Variants in STK3 observed in about 807,000 individuals in gnomAD.
The protein encoded by STK3 is serine/threonine kinase 3, also known as serine/threonine-protein kinase 3.
In STK3, 41 loss-of-function variants were observed where a neutral mutation model predicts 58.0. The observed-to-expected ratio is 0.71, with a 90% CI of 0.55 to 0.92. The LOEUF (loss-of-function observed/expected upper bound fraction) is 0.92, where lower values mean the gene tolerates loss of function less well. Among genes scored for constraint, STK3 ranks in the 40% least tolerant of loss-of-function variants. The pLI is 0.00. For missense variants in STK3, 479 were observed against 602.7 expected, an observed-to-expected ratio of 0.79 and a Z score of 2.15; for synonymous variants, 170 against 191.0, an observed-to-expected ratio of 0.89 and a Z score of 0.91.
At chr8:98,817,292 A>G (rs1022918466) in intron 1 of STK3, among the ~76,000 whole-genome samples, 1 of 152,060 alleles carries the variant, frequency 6.6e-6, no homozygotes, top group Admixed American at 6.6e-5. Context: ...CATCTCTACT[A>G]AAAATACAAA....
At chr8:98,855,954 C>T (rs1039632614) in intron 3 of STK3, among the ~76,000 whole-genome samples, 20 of 151,882 alleles carry the variant, frequency 1.3e-4, no homozygotes, top group Non-Finnish European at 2.9e-5. Flanking sequence ...GTCAGGAGTT[C>T]GAGACCAGCC....
chr8:98,423,607 G>A (rs1818196220), intron 3 of STK3, among the ~76,000 whole-genome samples: 1 of 152,244 alleles, frequency 6.6e-6, no homozygotes, highest in Non-Finnish European at 1.5e-5. Context: ...TGGGGAGGAT[G>A]GCTGGTGGGG....
intron 6 of STK3, among the ~76,000 whole-genome samples, chr8:98,662,677 C>CT (rs869059041): frequency 5.8e-4 from 83 of 144,146 alleles, no homozygotes; most frequent in South Asian, 3.7e-3. Flanking sequence ...AGCTGTATTT[C>CT]TTTTTTTTTT....
chr8:98,360,791 C>G, the STK3 span, among the ~76,000 whole-genome samples: 26 of 152,200 alleles, frequency 1.7e-4, no homozygotes, highest in African/African-American at 6.3e-4. Flanking sequence ...TAGTGGCTCT[C>G]TTGGCATGCC....
Position 98,422,807 on chromosome 8 carries a change from AC to A in STK3, n.483+11319del, listed in dbSNP as rs547718157. On this transcript the variant is annotated intron_variant and non_coding_transcript_variant, in intron 3 of 3. Transcript: ENST00000517832. Reference sequence around the variant, plus strand: ...CATGGACACACAGCTCTCGATCCGCACCCCCAAAGTCAGGCTGCTCAGGGGC... The same window carrying A: ...CATGGACACACAGCTCTCGATCCGCACCCCAAAGTCAGGCTGCTCAGGGGC... Among the ~76,000 whole-genome samples the A allele has an allele frequency of 3.9e-5, 6 of 152,108 alleles. No individual in the cohort carries two copies. The East Asian group carries it at 7.7e-4, about 20-fold the overall frequency.
chr8:98,494,595 C>T (rs1257655278), intron 10 of STK3, among the ~76,000 whole-genome samples: 1 of 129,546 alleles, frequency 7.7e-6, no homozygotes, highest in Non-Finnish European at 1.5e-5. Context: ...TTCAAGGCTG[C>T]AGTGAGCTAT....
At chr8:98,853,470 C>T (rs1422928031) in intron 3 of STK3, among the ~76,000 whole-genome samples, 3 of 152,200 alleles carry the variant, frequency 2.0e-5, no homozygotes, top group African/African-American at 7.2e-5. Flanking sequence ...TTTCCTTCCC[C>T]TGCTTTGCAC....
chr8:98,913,377 G>A (rs1183799795), intron 1 of STK3, among the ~76,000 whole-genome samples: 1 of 152,208 alleles, frequency 6.6e-6, no homozygotes, highest in Admixed American at 6.5e-5. Flanking sequence ...CTATAAAAGA[G>A]GGTAGAGAAG....
chr8:98,398,354 A>G (rs1369386940), downstream of STK3, among the ~76,000 whole-genome samples: 1 of 152,202 alleles, frequency 6.6e-6, no homozygotes, highest in Non-Finnish European at 1.5e-5. Flanking sequence ...AACTTCTCCT[A>G]GTTTCCCACA....
At chr8:98,346,284 C>CAA in the STK3 span, among the ~76,000 whole-genome samples, 2 of 118,162 alleles carry the variant, frequency 1.7e-5, no homozygotes, top group Non-Finnish European at 1.8e-5. Flanking sequence ...GACTCCGTCT[C>CAA]AAAAAAAAAA....
At chr8:98,549,325 T>C (rs898345111) in intron 8 of STK3, among the ~76,000 whole-genome samples, 1 of 152,172 alleles carries the variant, frequency 6.6e-6, no homozygotes. Flanking sequence ...TGTTATCACA[T>C]TGTAGTTTGA....
chr8:98,840,626 T>TATAC (rs1554689096), intron 3 of STK3, among the ~76,000 whole-genome samples: 187 of 133,330 alleles, frequency 1.4e-3, no homozygotes, highest in African/African-American at 4.8e-3. Flanking sequence ...TATATATATA[T>TATAC]ATACACACAC....
intron 3 of STK3, among the ~76,000 whole-genome samples, chr8:98,855,748 A>G (rs1210565257): frequency 6.6e-6 from 1 of 152,164 alleles, no homozygotes. Flanking sequence ...ACAGTGACTC[A>G]CATCTCTCAC....
upstream of STK3, chr8:98,825,779 CCCCGCCCCGCCCCCGGCCG>C (rs1835240109): frequency 1.1e-5 from 1 of 87,782 alleles, no homozygotes; most frequent in Non-Finnish European, 2.4e-5. Flanking sequence ...CCCCCGGCCG[CCCCGCCCCGCCCCCGGCCG>C]CCCCGCCCCG....
intron 1 of STK3, among the ~76,000 whole-genome samples, chr8:98,934,721 G>C (rs1160847620): frequency 2.0e-5 from 3 of 152,128 alleles, no homozygotes; most frequent in Non-Finnish European, 4.4e-5. Flanking sequence ...TTCGAGACCA[G>C]CCTGGCCAAC....
intron 10 of STK3, among the ~76,000 whole-genome samples, chr8:98,509,830 C>T (rs1824366560): frequency 1.3e-5 from 2 of 152,020 alleles, no homozygotes; most frequent in Non-Finnish European, 2.9e-5. Flanking sequence ...TCATAAGTTA[C>T]CTCAATAACA....
rs1839638628 is a variant in STK3 at position 98,923,176 on chromosome 8, T to G, written c.-79+19202A>C. 1.3e-5 allele frequency among the ~76,000 whole-genome samples: 2 copies of G among 152,208 alleles called. 1 individual carries two copies. The highest frequency in any genetic ancestry group is 4.1e-4 in the South Asian group (2 of 4,834). On this transcript the variant is annotated intron_variant, in intron 1 of 1. Coordinates refer to the STK3 transcript ENST00000519420. Reference sequence around the variant, plus strand: ...TAATGAAGCAAAATGTATACTTGCTTACAGTCAATGACCCATGTTAGAAGA... The same window carrying G: ...TAATGAAGCAAAATGTATACTTGCTGACAGTCAATGACCCATGTTAGAAGA...
At chr8:98,417,536 C>T (rs199663447) in intron 3 of STK3, among the ~76,000 whole-genome samples, 218 of 36,490 alleles carry the variant, frequency 6.0e-3, no homozygotes, top group Non-Finnish European at 0.011. Context: ...AATAAATAAA[C>T]AAACAAACAA....
intron 6 of STK3, among the ~76,000 whole-genome samples, chr8:98,677,041 A>AAT (rs572887526): frequency 6.6e-6 from 1 of 152,212 alleles, no homozygotes; most frequent in Non-Finnish European, 1.5e-5. Flanking sequence ...CTTCTGCATT[A>AAT]ATAAGCAGTG....
Sources: allele counts gnomAD v4.1 joint callset (sites outside exome capture counted in the v4.1 genomes callset), GRCh38; gene constraint gnomAD v4.1.1; transcripts MANE v1.5; gene names NCBI Gene and HGNC (gene_info 2026-07-23, HGNC 2026-07-21).